The following HCFC2 variants were observed in gnomAD, a reference collection of about 807,000 sequenced individuals.
HCFC2 encodes the protein host cell factor 2.
Under a neutral mutation model 89.2 loss-of-function variants are expected in HCFC2, and 18 were observed. The observed-to-expected ratio is 0.20, with a 90% CI of 0.14 to 0.30. The LOEUF (loss-of-function observed/expected upper bound fraction) is 0.30, where lower values mean the gene tolerates loss of function less well. Among genes scored for constraint, HCFC2 ranks in the 10% least tolerant of loss-of-function variants. The probability of loss-of-function intolerance (pLI) is 1.00; values close to 1 mark genes in which losing one functional copy is unlikely to be tolerated. For synonymous variants in HCFC2, 308 were observed against 335.7 expected (o/e 0.92, Z 0.90); for missense variants, 578 against 956.1 (o/e 0.60, Z 5.21).
rs1487762184 is a variant in HCFC2, at chr12:104,064,850, G to C, written c.163+127G>C. ...ACTGCTTCCTTGGGCGGGCGGCGGG[G>C]AGCGCGGCTCAGCCGGGCAGCCCGG... On this transcript the variant is annotated intron_variant, in intron 1 of 14. Coordinates refer to ENST00000229330, the MANE Select transcript of HCFC2 (RefSeq NM_013320.3). This position sits in a 1 kb window ranked among gnomAD's most constrained non-coding sequence, Gnocchi z 7.3. 6 of 882,162 alleles carry C rather than the reference G, an allele frequency of 6.8e-6. No individual in the cohort carries two copies. In the East Asian group the frequency reaches 2.0e-4, roughly 30 times the overall value. 54.6% of individuals were successfully genotyped at this position (882,162 alleles called of 1,614,324 possible).
chr12:104,071,169 A>T (rs1429125718), intron 3 of HCFC2, among the ~76,000 whole-genome samples: 1 of 152,238 alleles, frequency 6.6e-6, no homozygotes, highest in East Asian at 1.9e-4. Context: ...TTTTTAAAAT[A>T]ACACTGGTAA....
At chr12:104,067,689 A>G (rs529541722) in intron 2 of HCFC2, among the ~76,000 whole-genome samples, 20 of 152,354 alleles carry the variant, frequency 1.3e-4, no homozygotes, top group Admixed American at 1.2e-3. Flanking sequence ...ACTACTTTAG[A>G]ACAGTTAGTG....
chr12:104,099,616 T>TAA (rs1884280643), intron 13 of HCFC2, among the ~76,000 whole-genome samples: 1 of 147,856 alleles, frequency 6.8e-6, no homozygotes, highest in Non-Finnish European at 1.5e-5. Flanking sequence ...ATCTCTAAAT[T>TAA]TAAAAAAAAA....
intron 3 of HCFC2, among the ~76,000 whole-genome samples, chr12:104,078,454 A>T (rs2136605455): frequency 6.6e-6 from 1 of 152,350 alleles, no homozygotes; most frequent in East Asian, 1.9e-4. Flanking sequence ...TTTTGTAGGA[A>T]ATAGATTTCT....
At position 104,093,829 on chromosome 12, in the gene HCFC2, A is replaced by AATGATTAGG. The variant is rs1884100410; in HGVS notation, c.1462+268_1462+276dup. Among the ~76,000 whole-genome samples, 5 of 152,112 alleles carry AATGATTAGG rather than the reference A, an allele frequency of 3.3e-5. No individual in the cohort carries two copies. In the South Asian group the frequency reaches 1.0e-3, roughly 32 times the overall value. On this transcript the variant is annotated intron_variant, in intron 10 of 14. Transcript: ENST00000229330. ...TCCATCAGGAAGAACTATAGTAGAA[A>AATGATTAGG]ATGATTAGGAGATTTGTTAGGGATT...
Position 104,067,930 on chromosome 12 carries a change from GC to G in HCFC2, c.313-14del. 6.4e-7 allele frequency: 1 copy of G among 1,567,768 alleles called. No individual in the cohort carries two copies. The highest frequency in any genetic ancestry group is 1.2e-5 in the South Asian group (1 of 82,906). On this transcript the variant is annotated splice_polypyrimidine_tract_variant and intron_variant, in intron 2 of 14. Coordinates refer to ENST00000229330, the MANE Select transcript of HCFC2 (RefSeq NM_013320.3). ...CTTGATTTTGTCTGACTGTATTTGTGCCCTTTTTTTTTTTAGGCAAGTCGTT... is the reference window on the plus strand; with the variant it reads ...CTTGATTTTGTCTGACTGTATTTGTGCCTTTTTTTTTTTAGGCAAGTCGTT...
chr12:104,084,638 G>C (rs540970896), intron 7 of HCFC2, among the ~76,000 whole-genome samples: 20 of 152,316 alleles, frequency 1.3e-4, no homozygotes, highest in African/African-American at 4.8e-4. Context: ...GTTTGAAGGA[G>C]AGATGTGACA....
In HCFC2 at chr12:104,064,632, C is replaced by T. The variant is rs1008535995; in HGVS notation, c.72C>T (p.His24=). The T allele has an allele frequency of 1.3e-6, 2 of 1,580,168 alleles. No individual in the cohort carries two copies. Among genetic ancestry groups the T allele is most frequent in the Non-Finnish European group, 1.7e-6 (2 of 1,165,326 alleles). ...SFTGPVPRAR[H]GHRAVAIREL... Reference sequence around the variant, plus strand: ...CGGGGCCGGTCCCCCGCGCCCGGCACGGACACCGAGCGGTGGCCATCCGGG... The same window carrying T: ...CGGGGCCGGTCCCCCGCGCCCGGCATGGACACCGAGCGGTGGCCATCCGGG... The change falls in exon 1 of 15, where the codon CAC becomes CAT. Residue 24 remains histidine (H), a synonymous_variant. Transcript: ENST00000229330. The surrounding 1 kb of genome is among the most constrained non-coding windows in gnomAD (Gnocchi z 7.3).
rs760484437 is a variant in HCFC2, at chr12:104,102,945, C to A, written c.2065-14C>A. 8.3e-6 allele frequency: 13 copies of A among 1,573,298 alleles called. No homozygotes were observed. Among genetic ancestry groups the A allele is most frequent in the East Asian group, 2.3e-5 (1 of 43,060 alleles). Reference sequence around the variant, plus strand: ...TTAAGAACCTTTAACCTGTTTTTTCCCCCCCCCTTCAAGAATGTTGAAGGT... The same window carrying A: ...TTAAGAACCTTTAACCTGTTTTTTCACCCCCCCTTCAAGAATGTTGAAGGT... On this transcript the variant is annotated splice_polypyrimidine_tract_variant and intron_variant, in intron 14 of 14. Coordinates refer to ENST00000229330, the MANE Select transcript of HCFC2 (RefSeq NM_013320.3).
At chr12:104,084,161 A>G (rs1434398883) in intron 7 of HCFC2, among the ~76,000 whole-genome samples, 1 of 152,254 alleles carries the variant, frequency 6.6e-6, no homozygotes, top group Admixed American at 6.5e-5. Context: ...AGCGAACAAG[A>G]CTGATAGTGC....
At chr12:104,076,337 T>C (rs1029350352) in intron 3 of HCFC2, among the ~76,000 whole-genome samples, 2 of 152,240 alleles carry the variant, frequency 1.3e-5, no homozygotes, top group African/African-American at 4.8e-5. Flanking sequence ...TTATCAACTT[T>C]TGAGTGACAT....
At chr12:104,074,300 G>C (rs2136600169) in intron 3 of HCFC2, among the ~76,000 whole-genome samples, 1 of 152,184 alleles carries the variant, frequency 6.6e-6, no homozygotes, top group South Asian at 2.1e-4. Context: ...ATGCCACCAT[G>C]CCCAGCTAAT....
chr12:104,078,222 C>T (rs956689756), intron 3 of HCFC2, among the ~76,000 whole-genome samples: 5 of 152,040 alleles, frequency 3.3e-5, no homozygotes, highest in African/African-American at 9.7e-5. Flanking sequence ...AGGATGGTCT[C>T]GATCTCCTGA....
At chr12:104,089,812 C>T (rs1055416865) in intron 9 of HCFC2, among the ~76,000 whole-genome samples, 1 of 152,136 alleles carries the variant, frequency 6.6e-6, no homozygotes, top group African/African-American at 2.4e-5. Context: ...CATTAACGGC[C>T]TCACTTTTTC....
At chr12:104,074,882 A>T (rs1275879009) in intron 3 of HCFC2, among the ~76,000 whole-genome samples, 1 of 152,154 alleles carries the variant, frequency 6.6e-6, no homozygotes, top group Non-Finnish European at 1.5e-5. Context: ...AAATAACTTA[A>T]TTCCTTGAAT....
chr12:104,096,398 C>T lies in HCFC2; in HGVS notation c.1705C>T (p.Arg569Cys), dbSNP rs768655751. The change falls in exon 12 of 15, where the codon CGT (arginine) becomes TGT (cysteine). Residue 569 changes from arginine (R) to cysteine (C), a missense_variant. Arg to Cys is a radical substitution (Grantham distance 180, BLOSUM62 -3). This residue lies in a region of HCFC2 where 210 missense variants were observed against 251.7 expected (regional missense o/e 0.83). Coordinates refer to ENST00000229330, the MANE Select transcript of HCFC2 (RefSeq NM_013320.3). ...TYALPATKIS[R>C]VETHATATPF... ...TGCACTGCCTGCAACGAAGATCAGCCGTGTAGAGACACATGCTACAGCAAC... is the reference window on the plus strand; with the variant it reads ...TGCACTGCCTGCAACGAAGATCAGCTGTGTAGAGACACATGCTACAGCAAC... The T allele has an allele frequency of 7.5e-5, 121 of 1,607,840 alleles. No homozygotes were observed. Among genetic ancestry groups the T allele is most frequent in the Non-Finnish European group, 6.6e-5 (78 of 1,175,926 alleles).
chr12:104,076,137 A>G (rs1384510109), intron 3 of HCFC2, among the ~76,000 whole-genome samples: 3 of 152,256 alleles, frequency 2.0e-5, no homozygotes, highest in South Asian at 4.1e-4. Flanking sequence ...TATTAAATCA[A>G]TGTTTTATGT....
At chr12:104,087,049 C>T (rs1408398270) in intron 8 of HCFC2, 35 bp downstream of exon 8, 2 of 1,606,736 alleles carry the variant, frequency 1.2e-6, no homozygotes, top group South Asian at 2.2e-5. Context: ...TATGTGTGCT[C>T]ACATGCTTTT....
chr12:104,094,532 GA>G (rs537741625), intron 10 of HCFC2, among the ~76,000 whole-genome samples: 7 of 151,844 alleles, frequency 4.6e-5, no homozygotes, highest in Non-Finnish European at 8.8e-5. Context: ...TACGTCATAG[GA>G]AAAAAAATAG....
Sources: gnomAD v4.1 joint callset for allele counts (sites outside exome capture counted in the v4.1 genomes callset) on GRCh38, gnomAD v4.1.1 for gene constraint, gnomAD v4.1.1 regional missense constraint, Gnocchi (gnomAD v3.1) non-coding constraint, MANE v1.5 for transcripts, NCBI Gene and HGNC (gene_info 2026-07-23, HGNC 2026-07-21) for gene names.